The following SMAP1 variants were observed in gnomAD, a reference collection of about 807,000 sequenced individuals.
SMAP1 encodes small ArfGAP 1, also known as stromal membrane-associated protein 1.
In SMAP1, 24 loss-of-function variants were observed where a neutral mutation model predicts 58.5. That is an observed-to-expected ratio of 0.41 (90% confidence interval 0.30 to 0.58). The LOEUF (loss-of-function observed/expected upper bound fraction) is 0.58. SMAP1 is among the 20% of genes least tolerant of loss of function. SMAP1 has a pLI of 0.29. For missense variants in SMAP1, 563 were observed against 566.3 expected (o/e 0.99, Z 0.06); for synonymous variants, 216 against 196.6 (o/e 1.10, Z -0.82).
chr6:70,739,035 A>G (rs527482821), intron 2 of SMAP1, among the ~76,000 whole-genome samples: 174 of 152,310 alleles, frequency 1.1e-3, no homozygotes, highest in African/African-American at 3.9e-3. Context: ...TACCTCTGCT[A>G]TCTTTAAAAA....
At chr6:70,676,950 T>A (rs1215195971) in intron 1 of SMAP1, among the ~76,000 whole-genome samples, 3 of 151,654 alleles carry the variant, frequency 2.0e-5, no homozygotes, top group Admixed American at 2.0e-4. Context: ...ATGGCTAATT[T>A]AAAAAAAATT....
chr6:70,815,068 A>G (rs1454994867), intron 6 of SMAP1, among the ~76,000 whole-genome samples: 9 of 152,154 alleles, frequency 5.9e-5, no homozygotes. Flanking sequence ...TATAAAATTT[A>G]TCTGCTGTAG....
chr6:70,747,161 G>A (rs1766077865), intron 2 of SMAP1, among the ~76,000 whole-genome samples: 1 of 152,120 alleles, frequency 6.6e-6, no homozygotes. Flanking sequence ...TTAACTAAAT[G>A]GTGGGTGATC....
chr6:70,808,669 A>T (rs953079476), intron 6 of SMAP1, among the ~76,000 whole-genome samples: 1 of 152,186 alleles, frequency 6.6e-6, no homozygotes, highest in African/African-American at 2.4e-5. Context: ...TGTTTCGCCT[A>T]TTGAACATAG....
At chr6:70,690,342 T>C (rs1265612440) in intron 1 of SMAP1, among the ~76,000 whole-genome samples, 2 of 152,124 alleles carry the variant, frequency 1.3e-5, no homozygotes, top group Admixed American at 6.6e-5. Flanking sequence ...CTTTCGCTCT[T>C]GTTGCCCAGG....
At chr6:70,690,307 T>C in intron 1 of SMAP1, among the ~76,000 whole-genome samples, 1 of 148,834 alleles carries the variant, frequency 6.7e-6, no homozygotes, top group Non-Finnish European at 1.5e-5. Context: ...TTTTAAAATC[T>C]TTTTTTTTTG....
At chr6:70,671,327 T>C (rs1766256166) in intron 1 of SMAP1, among the ~76,000 whole-genome samples, 1 of 152,120 alleles carries the variant, frequency 6.6e-6, no homozygotes, top group South Asian at 2.1e-4. Flanking sequence ...ACATGTCCCA[T>C]GCTTGTTAAT....
intron 2 of SMAP1, among the ~76,000 whole-genome samples, chr6:70,745,552 T>C (rs1380781902): frequency 6.6e-6 from 1 of 152,234 alleles, no homozygotes; most frequent in African/African-American, 2.4e-5. Context: ...TTGGTACCAG[T>C]ACCATGCTGT....
intron 1 of SMAP1, among the ~76,000 whole-genome samples, chr6:70,713,387 CATTT>C (rs1250007098): frequency 6.6e-6 from 1 of 151,940 alleles, no homozygotes; most frequent in Non-Finnish European, 1.5e-5. Context: ...TTAATGCAGA[CATTT>C]ATCACTACAA....
At chr6:70,830,236 G>T (rs1345654362) in intron 6 of SMAP1, among the ~76,000 whole-genome samples, 2 of 152,188 alleles carry the variant, frequency 1.3e-5, no homozygotes, top group Non-Finnish European at 2.9e-5. Context: ...AATAGCAGCA[G>T]AATTTAAAGT....
chr6:70,737,935 T>C (rs1765677031), intron 2 of SMAP1, among the ~76,000 whole-genome samples: 1 of 152,182 alleles, frequency 6.6e-6, no homozygotes, highest in Non-Finnish European at 1.5e-5. Flanking sequence ...GAGGGTAACT[T>C]GAGCTAGCAT....
intron 4 of SMAP1, among the ~76,000 whole-genome samples, chr6:70,781,142 G>T (rs182116886): frequency 1.3e-5 from 2 of 152,110 alleles, no homozygotes; most frequent in African/African-American, 4.8e-5. Context: ...TTAATTATAG[G>T]ACACCCCAAT....
intron 3 of SMAP1, among the ~76,000 whole-genome samples, chr6:70,756,913 G>A (rs1410418879): frequency 6.6e-6 from 1 of 151,996 alleles, no homozygotes; most frequent in African/African-American, 2.4e-5. Context: ...TGGGTAGGAA[G>A]AATCAATATC....
intron 2 of SMAP1, among the ~76,000 whole-genome samples, chr6:70,732,856 C>T (rs1765482212): frequency 1.3e-5 from 2 of 151,912 alleles, no homozygotes; most frequent in South Asian, 4.2e-4. Flanking sequence ...TAAAAAACCA[C>T]CTGTAGCCTA....
At chr6:70,725,520 A>G (rs1285403875) in intron 1 of SMAP1, among the ~76,000 whole-genome samples, 6 of 152,130 alleles carry the variant, frequency 3.9e-5, no homozygotes, top group African/African-American at 1.4e-4. Flanking sequence ...CGTAAAGAAC[A>G]AAGGGCCTGT....
chr6:70,827,089 T>C (rs1770162918), intron 6 of SMAP1, among the ~76,000 whole-genome samples: 1 of 152,114 alleles, frequency 6.6e-6, no homozygotes, highest in Non-Finnish European at 1.5e-5. Context: ...GTAAGGTAGA[T>C]TATGAACCGG....
Position 70,685,174 on chromosome 6 carries a change from A to T in SMAP1, c.118+17033A>T, listed in dbSNP as rs563544518. Among the ~76,000 whole-genome samples, 9 of 152,230 alleles carry T rather than the reference A, an allele frequency of 5.9e-5. No individual in the cohort carries two copies. In the South Asian group the frequency reaches 1.9e-3, roughly 32 times the overall value. On this transcript the variant is annotated intron_variant, in intron 1 of 10. Transcript: ENST00000370455. ...TCATTCACTTTATTACTTTGCAGGA[A>T]GCATTTGTGAATTATATTTTGTTTG...
chr6:70,674,499 A>G (rs1298086237), intron 1 of SMAP1, among the ~76,000 whole-genome samples: 2 of 152,198 alleles, frequency 1.3e-5, no homozygotes, highest in African/African-American at 2.4e-5. Context: ...AATTTTCTCA[A>G]TGAAAGAAGA....
chr6:70,848,610 G>A (rs951923076), intron 7 of SMAP1, among the ~76,000 whole-genome samples: 3 of 152,098 alleles, frequency 2.0e-5, no homozygotes, highest in Admixed American at 6.6e-5. Context: ...GTCCTAGTTG[G>A]TATAACTGGA....
Sources: gnomAD v4.1 joint callset for allele counts (sites outside exome capture counted in the v4.1 genomes callset) on GRCh38, gnomAD v4.1.1 for gene constraint, MANE v1.5 for transcripts, NCBI Gene and HGNC (gene_info 2026-07-23, HGNC 2026-07-21) for gene names.